MSH3: variants seen among roughly 807,000 people sequenced by gnomAD.
MSH3 encodes the protein DNA mismatch repair protein Msh3.
In MSH3, 106 loss-of-function variants were observed where a neutral mutation model predicts 123.3. The observed-to-expected ratio is 0.86, with a 90% CI of 0.73 to 1.01. The LOEUF is 1.01. Among genes scored for constraint, MSH3 ranks in the 50% least tolerant of loss-of-function variants. The pLI is 0.00. For missense variants in MSH3, 1,459 were observed against 1,347.6 expected, an observed-to-expected ratio of 1.08 and a Z score of -1.29; for synonymous variants, 515 against 481.4, an observed-to-expected ratio of 1.07 and a Z score of -0.91.
At chr5:80,830,741 G>C (rs557286323) in intron 20 of MSH3, among the ~76,000 whole-genome samples, 4 of 152,174 alleles carry the variant, frequency 2.6e-5, no homozygotes, top group African/African-American at 7.2e-5. Context: ...TGTGTCCTTC[G>C]TAAGTGTCCT....
chr5:80,671,767 C>T (rs1458424250), intron 4 of MSH3, among the ~76,000 whole-genome samples: 4 of 152,134 alleles, frequency 2.6e-5, no homozygotes, highest in African/African-American at 9.7e-5. Context: ...TTCTATCAGT[C>T]GTGCATCATT....
In MSH3 at chr5:80,782,149, C is replaced by CAT. The variant is rs201565439; in HGVS notation, c.2435+3322_2435+3323dup. ...TCCTATATACATATGAACATACATA[C>CAT]ATATATATATGTATATGTAGACTCA... On this transcript the variant is annotated intron_variant, in intron 17 of 23. Coordinates refer to ENST00000265081, the MANE Select transcript of MSH3 (RefSeq NM_002439.5). Among the ~76,000 whole-genome samples, 1,339 of 152,042 alleles carry CAT rather than the reference C, an allele frequency of 8.8e-3. 7 individuals carry two copies. Among genetic ancestry groups the CAT allele is most frequent in the Middle Eastern group, 0.044 (13 of 294 alleles).
At chr5:80,805,266 T>C (rs1037422456) in intron 19 of MSH3, among the ~76,000 whole-genome samples, 4 of 152,214 alleles carry the variant, frequency 2.6e-5, no homozygotes, top group African/African-American at 9.6e-5. Context: ...CCAAGAGCGT[T>C]AAAACTGGTA....
intron 8 of MSH3, among the ~76,000 whole-genome samples, chr5:80,688,896 A>G (rs929980674): frequency 5.3e-5 from 8 of 152,156 alleles, no homozygotes; most frequent in African/African-American, 1.7e-4. Flanking sequence ...AGTTCTATCA[A>G]AGTTTAATAA....
At chr5:80,717,710 A>G (rs758284159) in intron 8 of MSH3, among the ~76,000 whole-genome samples, 3 of 152,194 alleles carry the variant, frequency 2.0e-5, no homozygotes, top group Non-Finnish European at 2.9e-5. Flanking sequence ...AACAGGAATG[A>G]GGTAAATATG....
In MSH3 at chr5:80,654,926, C is replaced by T. The variant is rs557874766; in HGVS notation, c.199C>T (p.Pro67Ser). 1.5e-5 allele frequency: 12 copies of T among 798,688 alleles called. No individual in the cohort carries two copies. The African/African-American group carries it at 1.7e-4, about 12-fold the overall frequency. 49.5% of individuals were successfully genotyped at this position (798,688 alleles called of 1,614,324 possible). The change falls in exon 1 of 24, where the codon CCA becomes TCA. Residue 67 changes from proline (P) to serine (S), a missense_variant. Physicochemically the swap from Pro to Ser is moderately conservative, Grantham distance 74 (BLOSUM62 -1). Coordinates refer to ENST00000265081, the MANE Select transcript of MSH3 (RefSeq NM_002439.5). ...AGCGGCCGCAGCGCCCCCAGCGCCC[C>T]CAGCTCCCGCCTTCCCGCCCCAGCT... The part of the protein sequence containing the change: ...AAAAAAPPAP[P>S]APAFPPQLPP...
At chr5:80,747,422 T>C (rs1002678029) in intron 12 of MSH3, among the ~76,000 whole-genome samples, 1 of 152,186 alleles carries the variant, frequency 6.6e-6, no homozygotes, top group South Asian at 2.1e-4. Context: ...TCAACACTGA[T>C]GTTTTCAAGT....
At chr5:80,694,371 G>T (rs1310330888) in intron 8 of MSH3, among the ~76,000 whole-genome samples, 1 of 152,084 alleles carries the variant, frequency 6.6e-6, no homozygotes, top group Non-Finnish European at 1.5e-5. Flanking sequence ...CAGTGTACTT[G>T]TGTCATTGTT....
chr5:80,672,486 A>G (rs1749746002), intron 5 of MSH3, 126 bp downstream of exon 5: 2 of 754,334 alleles, frequency 2.7e-6, no homozygotes, highest in Admixed American at 4.6e-5. Context: ...CAGAACTGAA[A>G]GTGTTTCATA....
chr5:80,706,409 A>C (rs897265233), intron 8 of MSH3, among the ~76,000 whole-genome samples: 1 of 152,226 alleles, frequency 6.6e-6, no homozygotes, highest in African/African-American at 2.4e-5. Flanking sequence ...TAATGTTGCT[A>C]GTCCTCTTCA....
Position 80,823,480 on chromosome 5 carries a change from C to A in MSH3, c.2813+9739C>A, listed in dbSNP as rs145052529. 7.8e-3 allele frequency among the ~76,000 whole-genome samples: 1,190 copies of A among 152,266 alleles called. 7 individuals are homozygous for A. Among genetic ancestry groups the A allele is most frequent in the Admixed American group, 0.013 (203 of 15,302 alleles). Reference sequence around the variant, plus strand: ...GACCTTACTTGTCCACAAAGTTTTTCCCAGACTATAAGTAACCCTAGTTCT... The same window carrying A: ...GACCTTACTTGTCCACAAAGTTTTTACCAGACTATAAGTAACCCTAGTTCT... On this transcript the variant is annotated intron_variant, in intron 20 of 23. Transcript: ENST00000265081.
Position 80,674,919 on chromosome 5 carries a change from T to C in MSH3, c.1028-64T>C, listed in dbSNP as rs940026025. Reference sequence around the variant, plus strand: ...TAAAGGAGAAAATAGTTAATATTATTGGAAATTTAGCATATTAGGATTTAG... The same window carrying C: ...TAAAGGAGAAAATAGTTAATATTATCGGAAATTTAGCATATTAGGATTTAG... On this transcript the variant is annotated intron_variant, in intron 6 of 23. Coordinates refer to ENST00000265081, the MANE Select transcript of MSH3 (RefSeq NM_002439.5). 18 of 1,307,178 alleles carry C rather than the reference T, an allele frequency of 1.4e-5. No individual in the cohort carries two copies. In the African/African-American group the frequency reaches 2.5e-4, roughly 18 times the overall value. The allele number at this position is 1,307,178 out of a possible 1,614,324, so 81.0% of individuals were successfully genotyped here. A position where few individuals can be genotyped will look rare whatever the true frequency, so the allele number is the denominator to read the frequency against.
chr5:80,744,763 C>T (rs1743684894), intron 12 of MSH3, 148 bp downstream of exon 12: 1 of 687,344 alleles, frequency 1.5e-6, no homozygotes, highest in Non-Finnish European at 2.6e-6. Flanking sequence ...TAGACTGGCT[C>T]TCTAGTATTA....
intron 1 of MSH3, 64 bp downstream of exon 1, chr5:80,655,028 C>A: frequency 1.0e-6 from 1 of 969,806 alleles, no homozygotes; most frequent in Non-Finnish European, 1.4e-6. Context: ...GTGGGTAAGG[C>A]GGGCGGAGGC....
chr5:80,870,881 A>G (rs532012088), intron 22 of MSH3, among the ~76,000 whole-genome samples: 2 of 152,342 alleles, frequency 1.3e-5, no homozygotes, highest in East Asian at 1.9e-4. Flanking sequence ...GATTGTAGAA[A>G]TCTTTGTAAC....
At chr5:80,819,103 A>C (rs753313571) in intron 20 of MSH3, among the ~76,000 whole-genome samples, 20 of 151,650 alleles carry the variant, frequency 1.3e-4, no homozygotes, top group Non-Finnish European at 2.8e-4. Context: ...TTTTTTTTTA[A>C]TGCAGTAGAA....
At chr5:80,788,317 A>T (rs995115070) in intron 18 of MSH3, among the ~76,000 whole-genome samples, 3 of 152,122 alleles carry the variant, frequency 2.0e-5, no homozygotes, top group African/African-American at 7.2e-5. Flanking sequence ...CGTGCCTGTA[A>T]TCCCAGCTAC....
rs144481861 is a variant in MSH3 at position 80,714,077 on chromosome 5, A to G, written c.1341-11376A>G. 3.8e-3 allele frequency among the ~76,000 whole-genome samples: 567 copies of G among 150,256 alleles called. 4 individuals carry two copies. The highest frequency in any genetic ancestry group is 0.013 in the African/African-American group (528 of 40,948). On this transcript the variant is annotated intron_variant, in intron 8 of 23. Transcript: ENST00000265081. ...TAAAGTAGAAATTTTCCTAAAATCTATGTGACAGAATTCTGGTAGGATGCT... is the reference window on the plus strand; with the variant it reads ...TAAAGTAGAAATTTTCCTAAAATCTGTGTGACAGAATTCTGGTAGGATGCT...
At chr5:80,723,853 C>T (rs1751139535) in intron 8 of MSH3, among the ~76,000 whole-genome samples, 1 of 152,012 alleles carries the variant, frequency 6.6e-6, no homozygotes, top group South Asian at 2.1e-4. Flanking sequence ...GCCTTGACTC[C>T]CTGGGCTCAA....
Sources: gnomAD v4.1 joint callset for allele counts (sites outside exome capture counted in the v4.1 genomes callset) on GRCh38, gnomAD v4.1.1 for gene constraint, MANE v1.5 for transcripts, NCBI Gene and HGNC (gene_info 2026-07-23, HGNC 2026-07-21) for gene names.